The following CSMD1 variants were observed in gnomAD, a reference collection of about 807,000 sequenced individuals.
CSMD1 encodes the protein CUB and Sushi multiple domains 1, also known as CUB and sushi domain-containing protein 1.
In CSMD1, 213 loss-of-function variants were observed where a neutral mutation model predicts 417.5. The ratio of observed to expected loss-of-function variants is 0.51; its 90% confidence interval spans 0.46 to 0.57. CSMD1 has a LOEUF of 0.57. Among genes scored for constraint, CSMD1 ranks in the 20% least tolerant of loss-of-function variants. The pLI is 0.00. For missense variants in CSMD1, 6,923 were observed against 4,529.7 expected, an observed-to-expected ratio of 1.53 and a Z score of -15.17; for synonymous variants, 2,862 against 1,736.8, an observed-to-expected ratio of 1.65 and a Z score of -16.11.
At chr8:3,484,676 T>G (rs1817925301) in intron 11 of CSMD1, among the ~76,000 whole-genome samples, 1 of 152,168 alleles carries the variant, frequency 6.6e-6, no homozygotes, top group Non-Finnish European at 1.5e-5. Context: ...AAAAAATAGC[T>G]GCAAACCATG....
chr8:3,960,034 T>G (rs924882793), intron 5 of CSMD1, among the ~76,000 whole-genome samples: 1 of 152,218 alleles, frequency 6.6e-6, no homozygotes, highest in East Asian at 1.9e-4. Flanking sequence ...GCAAGGAGCC[T>G]TCTGGGCATC....
At chr8:3,578,622 A>G (rs114806613) in intron 9 of CSMD1, among the ~76,000 whole-genome samples, 2,594 of 152,292 alleles carry the variant, frequency 0.017, 79 homozygotes, top group African/African-American at 0.058. Context: ...TAGACGTATG[A>G]AAGTTTATCA....
At chr8:4,705,437 C>A (rs1339815007) in intron 1 of CSMD1, among the ~76,000 whole-genome samples, 1 of 152,174 alleles carries the variant, frequency 6.6e-6, no homozygotes, top group Non-Finnish European at 1.5e-5. Flanking sequence ...CCCCAGTCGC[C>A]TGTCATTCAA....
intron 3 of CSMD1, among the ~76,000 whole-genome samples, chr8:4,368,365 C>T (rs1158260266): frequency 6.6e-6 from 1 of 152,082 alleles, no homozygotes; most frequent in Non-Finnish European, 1.5e-5. Context: ...TTAGCTTTTT[C>T]ATCTGCTGCT....
chr8:3,567,051 T>C (rs1799744555), intron 10 of CSMD1, among the ~76,000 whole-genome samples: 1 of 152,176 alleles, frequency 6.6e-6, no homozygotes, highest in South Asian at 2.1e-4. Context: ...GTAGACTGGA[T>C]AAAGAAAATT....
At chr8:3,634,790 A>G (rs1796951853) in intron 7 of CSMD1, among the ~76,000 whole-genome samples, 1 of 152,146 alleles carries the variant, frequency 6.6e-6, no homozygotes, top group African/African-American at 2.4e-5. Context: ...ACAGCCATGC[A>G]TCATGTGTCC....
At chr8:3,035,763 A>G (rs1810635811) in intron 50 of CSMD1, among the ~76,000 whole-genome samples, 1 of 130,132 alleles carries the variant, frequency 7.7e-6, no homozygotes, top group South Asian at 2.1e-4. Flanking sequence ...GTAAAATTAA[A>G]TGTTTTCAAA....
chr8:4,613,249 T>G (rs57258918), intron 2 of CSMD1, among the ~76,000 whole-genome samples: 1 of 152,168 alleles, frequency 6.6e-6, no homozygotes, highest in African/African-American at 2.4e-5. Flanking sequence ...TGTTTGTATT[T>G]AAATGACAGA....
intron 1 of CSMD1, among the ~76,000 whole-genome samples, chr8:4,922,956 T>C (rs1375757505): frequency 6.6e-6 from 1 of 152,182 alleles, no homozygotes; most frequent in Admixed American, 6.5e-5. Flanking sequence ...ATTACACACT[T>C]TCCATCACAG....
At chr8:3,795,663 GA>G (rs1800041781) in intron 5 of CSMD1, among the ~76,000 whole-genome samples, 5 of 26,270 alleles carry the variant, frequency 1.9e-4, no homozygotes, top group Non-Finnish European at 3.3e-4. Flanking sequence ...ATCTATCATA[GA>G]TATAGATATA....
intron 3 of CSMD1, among the ~76,000 whole-genome samples, chr8:4,129,052 G>A (rs1404758844): frequency 2.2e-5 from 3 of 135,530 alleles, no homozygotes; most frequent in Non-Finnish European, 4.6e-5. Context: ...CTCCAGCGTG[G>A]TTACAGAGTG....
At chr8:4,664,127 G>A (rs950515545) in intron 1 of CSMD1, among the ~76,000 whole-genome samples, 1 of 152,142 alleles carries the variant, frequency 6.6e-6, no homozygotes, top group South Asian at 2.1e-4. Flanking sequence ...TCTCACACCT[G>A]GACAGGTACA....
intron 3 of CSMD1, among the ~76,000 whole-genome samples, chr8:4,117,053 G>C (rs558433148): frequency 5.3e-5 from 8 of 151,840 alleles, no homozygotes; most frequent in Non-Finnish European, 8.8e-5. Flanking sequence ...ACTGTCAGTA[G>C]TTAACCAGAA....
intron 37 of CSMD1, among the ~76,000 whole-genome samples, chr8:3,172,616 T>C (rs915614629): frequency 8.6e-5 from 13 of 152,026 alleles, no homozygotes; most frequent in Middle Eastern, 3.2e-3. Context: ...GTGTGTATAA[T>C]TGGTGGTGCA....
intron 20 of CSMD1, 65 bp from the exon 21 acceptor site, chr8:3,359,405 A>T: frequency 8.5e-7 from 1 of 1,169,808 alleles, no homozygotes; most frequent in Non-Finnish European, 1.2e-6. Context: ...ATTAAATAGC[A>T]AGAATAAAAA....
At chr8:4,578,821 A>AAC (rs1799268803) in intron 2 of CSMD1, among the ~76,000 whole-genome samples, 1 of 150,582 alleles carries the variant, frequency 6.6e-6, no homozygotes, top group African/African-American at 2.5e-5. Flanking sequence ...CTCAAAAAAA[A>AAC]AAAAAAAACA....
chr8:3,449,289 G>A (rs747022129), intron 12 of CSMD1, among the ~76,000 whole-genome samples: 3 of 152,154 alleles, frequency 2.0e-5, no homozygotes, highest in Non-Finnish European at 4.4e-5. Context: ...ACTAAACTCA[G>A]CTTCTTTGCT....
At chr8:4,534,587 C>T (rs970556643) in intron 2 of CSMD1, among the ~76,000 whole-genome samples, 1 of 152,066 alleles carries the variant, frequency 6.6e-6, no homozygotes, top group Non-Finnish European at 1.5e-5. Flanking sequence ...TCCCCTCCTC[C>T]CTCTTTCCCC....
At chr8:3,049,589 C>A (rs189909114) in intron 50 of CSMD1, among the ~76,000 whole-genome samples, 1 of 151,310 alleles carries the variant, frequency 6.6e-6, no homozygotes, top group African/African-American at 2.4e-5. Flanking sequence ...TGCAGGAAGG[C>A]GTGAATGGGT....
Sources: gnomAD v4.1 joint callset for allele counts (sites outside exome capture counted in the v4.1 genomes callset) on GRCh38, gnomAD v4.1.1 for gene constraint, MANE v1.5 for transcripts, NCBI Gene and HGNC (gene_info 2026-07-23, HGNC 2026-07-21) for gene names.